The following SPEF2 variants were observed in gnomAD, a reference collection of about 807,000 sequenced individuals.
SPEF2 encodes sperm flagellar and cilia associated 2.
SPEF2 carries 187 observed loss-of-function variants against 224.6 expected under a neutral mutation model. That is an observed-to-expected ratio of 0.83 (90% CI 0.74 to 0.94). The LOEUF (loss-of-function observed/expected upper bound fraction) is 0.94. Among genes scored for constraint, SPEF2 ranks in the 40% least tolerant of loss-of-function variants. The pLI, the probability that SPEF2 is intolerant of heterozygous loss-of-function variation, is 0.00. For missense variants in SPEF2, 2,170 were observed against 2,135.6 expected (o/e 1.02, Z -0.32); for synonymous variants, 715 against 707.3 (o/e 1.01, Z -0.17).
chr5:35,773,556 A>G (rs1482487153), intron 27 of SPEF2, among the ~76,000 whole-genome samples: 1 of 152,128 alleles, frequency 6.6e-6, no homozygotes, highest in East Asian at 1.9e-4. Context: ...TGGGGTCAGC[A>G]CTATGTGGGG....
chr5:35,753,059 T>G (rs1198114048), intron 23 of SPEF2, among the ~76,000 whole-genome samples: 1 of 151,314 alleles, frequency 6.6e-6, no homozygotes, highest in Non-Finnish European at 1.5e-5. Flanking sequence ...ATTATTATGT[T>G]TATATTTATC....
rs370890958 is a variant in SPEF2, at chr5:35,758,418, C to T, written c.3469-1150C>T. Reference sequence around the variant, plus strand: ...TCCTAAACCGAATGGGAGACCAGGTCGAAAAATATCATATTCTACATTTGT... The same window carrying T: ...TCCTAAACCGAATGGGAGACCAGGTTGAAAAATATCATATTCTACATTTGT... On this transcript the variant is annotated intron_variant, in intron 24 of 36. Transcript: ENST00000356031. Among the ~76,000 whole-genome samples, 21 of 152,034 alleles carry T rather than the reference C, an allele frequency of 1.4e-4. 1 individual carries two copies. The East Asian group carries it at 2.9e-3, about 21-fold the overall frequency.
intron 30 of SPEF2, chr5:35,790,561 A>G: frequency 2.6e-6 from 1 of 389,280 alleles, no homozygotes; most frequent in Non-Finnish European, 4.5e-6. Flanking sequence ...TGTTTCTTCT[A>G]TAGCTTTCTA....
At chr5:35,787,755 C>T (rs529201032) in intron 30 of SPEF2, 8 of 518,710 alleles carry the variant, frequency 1.5e-5, no homozygotes, top group African/African-American at 9.5e-5. Context: ...TTAATAAGCA[C>T]TCCATAAAAT....
rs763887218 is a variant in SPEF2 at position 35,697,715 on chromosome 5, C to G, written c.2063C>G (p.Ala688Gly). The change falls in exon 15 of 37, where the codon GCA (alanine) becomes GGA (glycine). Residue 688 changes from alanine to glycine, a missense_variant. Ala to Gly is a moderately conservative substitution (Grantham distance 60, BLOSUM62 0). Coordinates refer to ENST00000356031, the MANE Select transcript of SPEF2 (RefSeq NM_024867.4). The part of the protein sequence containing the change: ...LKLTTRAQLG[A>G]KSEQLLKKGK... ...CTCACTACACGTGCTCAGCTTGGTG[C>G]AAAATCAGAACAGTTGCTGAAGAAA... The G allele has an allele frequency of 2.5e-6, 4 of 1,613,220 alleles. No individual in the cohort carries two copies. In the African/African-American group the frequency reaches 5.3e-5, roughly 22 times the overall value.
chr5:35,745,247 G>C (rs1434896042), intron 23 of SPEF2, among the ~76,000 whole-genome samples: 2 of 152,104 alleles, frequency 1.3e-5, no homozygotes, highest in African/African-American at 4.8e-5. Flanking sequence ...AGGAGCAGGG[G>C]GTAAAACTCC....
chr5:35,653,946 CAAAAAA>C (rs67527515), intron 6 of SPEF2, among the ~76,000 whole-genome samples: 2 of 87,988 alleles, frequency 2.3e-5, no homozygotes, highest in African/African-American at 4.6e-5. Context: ...GACTCTGTCT[CAAAAAA>C]AAAAAAAAAA....
intron 36 of SPEF2, among the ~76,000 whole-genome samples, chr5:35,813,231 A>G (rs1236489003): frequency 1.3e-5 from 2 of 152,306 alleles, no homozygotes; most frequent in African/African-American, 4.8e-5. Context: ...AGTGGTTGCC[A>G]TCTGTAATCC....
At chr5:35,787,380 C>A (rs1580734393) in intron 30 of SPEF2, among the ~76,000 whole-genome samples, 1 of 151,828 alleles carries the variant, frequency 6.6e-6, no homozygotes, top group Admixed American at 6.6e-5. Flanking sequence ...CATGTATGCT[C>A]TATTATTCCT....
intron 30 of SPEF2, among the ~76,000 whole-genome samples, chr5:35,785,530 T>C (rs1316377727): frequency 6.6e-6 from 1 of 151,892 alleles, no homozygotes; most frequent in East Asian, 1.9e-4. Flanking sequence ...AAATTTACTT[T>C]TTAATTTAAA....
At chr5:35,642,809 T>C (rs528479010) in intron 3 of SPEF2, among the ~76,000 whole-genome samples, 2 of 152,342 alleles carry the variant, frequency 1.3e-5, no homozygotes, top group South Asian at 4.1e-4. Context: ...ATGAGGGCTA[T>C]CTCCATGTTT....
intron 36 of SPEF2, among the ~76,000 whole-genome samples, chr5:35,811,076 A>G (rs1758501375): frequency 8.6e-6 from 1 of 116,488 alleles, no homozygotes; most frequent in Non-Finnish European, 1.7e-5. Flanking sequence ...AAGGTGTTCT[A>G]TTCTCATTTT....
chr5:35,801,985 G>A (rs981687400), intron 34 of SPEF2, among the ~76,000 whole-genome samples: 6 of 152,128 alleles, frequency 3.9e-5, no homozygotes, highest in African/African-American at 7.2e-5. Context: ...GCATGGTCCC[G>A]TGAGGAACAC....
chr5:35,736,923 A>T (rs200340012), intron 21 of SPEF2, among the ~76,000 whole-genome samples: 1 of 1,946 alleles, frequency 5.1e-4, no homozygotes, highest in African/African-American at 9.8e-4. Flanking sequence ...CCAAAAAAAT[A>T]AAAAAAAACA....
At chr5:35,787,359 AGACACAC>A (rs1755302710) in intron 30 of SPEF2, among the ~76,000 whole-genome samples, 1 of 151,912 alleles carries the variant, frequency 6.6e-6, no homozygotes, top group Non-Finnish European at 1.5e-5. Flanking sequence ...CAGACCTTGC[AGACACAC>A]TACCATGTAT....
intron 2 of SPEF2, among the ~76,000 whole-genome samples, chr5:35,638,258 C>T (rs1355628676): frequency 6.6e-6 from 1 of 152,136 alleles, no homozygotes; most frequent in East Asian, 1.9e-4. Context: ...AGCTAAAACT[C>T]TACACTCATA....
chr5:35,699,427 T>G (rs774314853), intron 15 of SPEF2: 2 of 152,250 alleles, frequency 1.3e-5, no homozygotes, highest in African/African-American at 2.4e-5. Flanking sequence ...GAGGACACTG[T>G]GCTGAGTGCA....
chr5:35,708,610 ACCACCTCTACCT>A (rs1740358811), intron 18 of SPEF2, among the ~76,000 whole-genome samples: 3 of 152,020 alleles, frequency 2.0e-5, no homozygotes, highest in Non-Finnish European at 4.4e-5. Context: ...CACAGACTTC[ACCACCTCTACCT>A]CCACCACCAT....
rs1457772035 is a variant in SPEF2 at position 35,675,859 on chromosome 5, A to C, written c.1524+5632A>C. On this transcript the variant is annotated intron_variant, in intron 10 of 36. Transcript: ENST00000356031. ...TTACCAAGAAACAAGGCTATTTTCT[A>C]ATTGTTGTAGGCCAAGGATTTCAGA... 16 of 449,542 alleles carry C rather than the reference A, an allele frequency of 3.6e-5. No individual in the cohort carries two copies. The Admixed American group carries it at 3.9e-4, about 11-fold the overall frequency. 27.8% of individuals were successfully genotyped at this position (449,542 alleles called of 1,614,324 possible). A position where few individuals can be genotyped will look rare whatever the true frequency, so the allele number is the denominator to read the frequency against.
Sources: allele counts gnomAD v4.1 joint callset (sites outside exome capture counted in the v4.1 genomes callset), GRCh38; gene constraint gnomAD v4.1.1; transcripts MANE v1.5; gene names NCBI Gene and HGNC (gene_info 2026-07-23, HGNC 2026-07-21).